ALK: variants seen among roughly 807,000 people sequenced by gnomAD.
ALK encodes ALK tyrosine kinase receptor.
ALK carries 74 observed loss-of-function variants against 163.1 expected under a neutral mutation model. That is an observed-to-expected ratio of 0.45 (90% CI 0.38 to 0.55). ALK has a LOEUF of 0.55. Ranked by LOEUF, ALK falls within the 20% of genes least tolerant of loss-of-function variation. The pLI, the probability that ALK is intolerant of heterozygous loss-of-function variation, is 0.00. For synonymous variants in ALK, 960 were observed against 843.2 expected, an observed-to-expected ratio of 1.14 and a Z score of -2.40; for missense variants, 2,063 against 2,105.3, an observed-to-expected ratio of 0.98 and a Z score of 0.39.
chr2:29,426,584 G>C (rs76611611), intron 4 of ALK, among the ~76,000 whole-genome samples: 12,807 of 152,042 alleles, frequency 0.084, 731 homozygotes, highest in Non-Finnish European at 0.13. Flanking sequence ...TTACTGACAG[G>C]ACACACTAAA....
chr2:29,636,079 A>C (rs897993447), intron 3 of ALK, among the ~76,000 whole-genome samples: 22 of 152,232 alleles, frequency 1.4e-4, no homozygotes, highest in African/African-American at 4.6e-4. Context: ...CTTCTGAAAA[A>C]GAAGAATAAA....
chr2:29,225,643 C>A (rs2148176804), intron 18 of ALK, 78 bp from the exon 19 acceptor site: 3 of 1,230,834 alleles, frequency 2.4e-6, no homozygotes, highest in Non-Finnish European at 3.5e-6. Flanking sequence ...GAAATAACCT[C>A]CCCCACTGAG....
intron 4 of ALK, among the ~76,000 whole-genome samples, chr2:29,385,510 C>A (rs1379513310): frequency 6.6e-6 from 1 of 151,948 alleles, no homozygotes; most frequent in Non-Finnish European, 1.5e-5. Context: ...CTACCTCAGC[C>A]TCCTGAGTAG....
At chr2:29,262,104 C>T (rs897765685) in intron 11 of ALK, among the ~76,000 whole-genome samples, 4 of 152,160 alleles carry the variant, frequency 2.6e-5, no homozygotes, top group Admixed American at 6.5e-5. Context: ...CTTACAACCA[C>T]GATAGGTCAG....
intron 2 of ALK, among the ~76,000 whole-genome samples, chr2:29,699,993 G>A (rs1678684947): frequency 6.6e-6 from 1 of 152,150 alleles, no homozygotes; most frequent in African/African-American, 2.4e-5. Context: ...CTCTAGGCCT[G>A]TTTCTTTGCA....
At chr2:29,450,374 T>A (rs1314132233) in intron 4 of ALK, among the ~76,000 whole-genome samples, 6 of 152,158 alleles carry the variant, frequency 3.9e-5, no homozygotes, top group African/African-American at 1.4e-4. Flanking sequence ...GGGCCAGCCC[T>A]CTAATTGTAC....
At chr2:29,433,142 C>T (rs1340196628) in intron 4 of ALK, among the ~76,000 whole-genome samples, 1 of 152,160 alleles carries the variant, frequency 6.6e-6, no homozygotes, top group East Asian at 1.9e-4. Flanking sequence ...CTATTGAACC[C>T]ATAGTAGGGA....
intron 3 of ALK, among the ~76,000 whole-genome samples, chr2:29,608,860 A>G (rs1340828175): frequency 6.6e-6 from 1 of 152,192 alleles, no homozygotes; most frequent in African/African-American, 2.4e-5. Context: ...AGAGCTGGGT[A>G]TCTTGGGTGG....
chr2:29,754,733 T>C (rs917088220), intron 1 of ALK, among the ~76,000 whole-genome samples: 1 of 152,056 alleles, frequency 6.6e-6, no homozygotes, highest in African/African-American at 2.4e-5. Flanking sequence ...TCTAAACTTG[T>C]CTGGGAATAA....
intron 1 of ALK, among the ~76,000 whole-genome samples, chr2:29,836,339 A>G (rs1665558105): frequency 6.6e-6 from 1 of 152,202 alleles, no homozygotes; most frequent in Admixed American, 6.5e-5. Context: ...TCTTGCTCAT[A>G]CTACCCGGCC....
At chr2:29,875,236 AC>A (rs1396835974) in intron 1 of ALK, among the ~76,000 whole-genome samples, 1 of 152,174 alleles carries the variant, frequency 6.6e-6, no homozygotes. Flanking sequence ...CAGAAAGTAG[AC>A]TAGAGGTTAC....
At chr2:29,684,158 A>G (rs1419278088) in intron 3 of ALK, among the ~76,000 whole-genome samples, 1 of 152,200 alleles carries the variant, frequency 6.6e-6, no homozygotes, top group African/African-American at 2.4e-5. Flanking sequence ...TTTCTTAAGC[A>G]GAGCCCATTT....
chr2:29,269,229 G>A (rs191356313), intron 11 of ALK, among the ~76,000 whole-genome samples: 48 of 152,326 alleles, frequency 3.2e-4, no homozygotes, highest in Non-Finnish European at 4.3e-4. Flanking sequence ...GACAAATGGC[G>A]GAACACACTC....
At chr2:29,196,034 A>T (rs1455503828) in intron 28 of ALK, among the ~76,000 whole-genome samples, 4 of 152,136 alleles carry the variant, frequency 2.6e-5, no homozygotes, top group Non-Finnish European at 5.9e-5. Context: ...CCTCTTGGTG[A>T]GGGAGGAAGC....
chr2:29,290,053 A>C (rs1665978995), intron 9 of ALK, among the ~76,000 whole-genome samples: 1 of 152,192 alleles, frequency 6.6e-6, no homozygotes, highest in South Asian at 2.1e-4. Flanking sequence ...ACTGCAGTAA[A>C]TGTTGGTGGA....
intron 1 of ALK, among the ~76,000 whole-genome samples, chr2:29,764,146 T>A (rs1161336445): frequency 1.3e-5 from 2 of 152,174 alleles, no homozygotes; most frequent in Non-Finnish European, 2.9e-5. Context: ...CCCCTCATGT[T>A]ACCAGGATGC....
intron 5 of ALK, among the ~76,000 whole-genome samples, chr2:29,372,857 C>T (rs566524338): frequency 6.6e-6 from 1 of 152,282 alleles, no homozygotes; most frequent in Non-Finnish European, 1.5e-5. Flanking sequence ...AAGTTTGAAT[C>T]CTGCTGTCAG....
intron 4 of ALK, among the ~76,000 whole-genome samples, chr2:29,484,437 A>G (rs1429350357): frequency 6.6e-6 from 1 of 152,178 alleles, no homozygotes; most frequent in African/African-American, 2.4e-5. Context: ...ATGGTATTAA[A>G]TCAGATCAGT....
chr2:29,365,137 T>TC (rs1558695137), intron 5 of ALK, among the ~76,000 whole-genome samples: 1 of 152,168 alleles, frequency 6.6e-6, no homozygotes, highest in East Asian at 1.9e-4. Flanking sequence ...ACCATCTAGA[T>TC]TAGCAGGAAC....
Sources: gnomAD v4.1 joint callset for allele counts (sites outside exome capture counted in the v4.1 genomes callset) on GRCh38, gnomAD v4.1.1 for gene constraint, MANE v1.5 for transcripts, NCBI Gene and HGNC (gene_info 2026-07-23, HGNC 2026-07-21) for gene names.